Variants in AHDC1 observed in about 807,000 individuals in gnomAD.
AHDC1 encodes the protein transcription factor Gibbin.
Under a neutral mutation model 87.9 loss-of-function variants are expected in AHDC1, and 7 were observed. The ratio of observed to expected loss-of-function variants is 0.08; its 90% CI spans 0.05 to 0.15. AHDC1 has a LOEUF of 0.15. Among genes scored for constraint, AHDC1 ranks in the 10% least tolerant of loss-of-function variants. AHDC1 has a pLI of 1.00. For missense variants in AHDC1, 1,841 were observed against 2,253.2 expected (o/e 0.82, Z 3.70); for synonymous variants, 1,051 against 1,006.8 (o/e 1.04, Z -0.83).
chr1:27,570,013 G>C (rs1356010385), intron 3 of AHDC1, among the ~76,000 whole-genome samples: 2 of 151,988 alleles, frequency 1.3e-5, no homozygotes, highest in East Asian at 3.9e-4. Context: ...GCCAGGCCAG[G>C]ACCCAAAGGG....
chr1:27,583,991 G>A (rs2088978835), intron 3 of AHDC1, among the ~76,000 whole-genome samples: 1 of 152,182 alleles, frequency 6.6e-6, no homozygotes, highest in South Asian at 2.1e-4. Flanking sequence ...GACCCCTTAT[G>A]ATCTGCAGTG....
At chr1:27,545,846 G>T (rs1371084442) in intron 8 of AHDC1, among the ~76,000 whole-genome samples, 2 of 152,170 alleles carry the variant, frequency 1.3e-5, no homozygotes, top group Non-Finnish European at 2.9e-5. Context: ...GGGAAACTGA[G>T]GCCCAGAGAG....
intron 3 of AHDC1, among the ~76,000 whole-genome samples, chr1:27,592,881 G>C: frequency 7.0e-6 from 1 of 143,374 alleles, no homozygotes; most frequent in East Asian, 2.0e-4. Flanking sequence ...GCCCAGCTCA[G>C]AGAGGCTTGG....
At position 27,548,231 on chromosome 1, in the gene AHDC1, G is replaced by A; in HGVS notation, c.3885C>T (p.Phe1295=). The A allele has an allele frequency of 1.2e-6, 2 of 1,613,046 alleles. No individual in the cohort carries two copies. The highest frequency in any genetic ancestry group is 1.7e-6 in the Non-Finnish European group (2 of 1,179,790). The change falls in exon 8 of 9, where the codon TTC becomes TTT. Residue 1295 remains phenylalanine (F), a synonymous_variant. Transcript: ENST00000673934. ...ERGGAAAKAK[F]IPKPQPVNPL... ...GGTTGACTGGCTGTGGCTTGGGGAT[G>A]AACTTGGCTTTGGCCGCTGCGCCAC...
intron 3 of AHDC1, among the ~76,000 whole-genome samples, chr1:27,580,295 T>C (rs1430179346): frequency 6.6e-6 from 1 of 152,170 alleles, no homozygotes; most frequent in East Asian, 1.9e-4. Flanking sequence ...CTGGGGGTCA[T>C]GTGGGACAGA....
intron 3 of AHDC1, among the ~76,000 whole-genome samples, chr1:27,574,948 CAAAG>C: frequency 6.6e-6 from 1 of 152,364 alleles, no homozygotes; most frequent in African/African-American, 2.4e-5. Flanking sequence ...GAAATGCTCT[CAAAG>C]AAAGCTACTG....
rs1052014437 is a variant in AHDC1, at chr1:27,598,557, C to T, written c.-629+4840G>A. 6.6e-6 allele frequency among the ~76,000 whole-genome samples: 1 copy of T among 152,156 alleles called. No homozygotes were observed. Among genetic ancestry groups the T allele is most frequent in the Non-Finnish European group, 1.5e-5 (1 of 68,008 alleles). ...GGCTCCTTCCCTCCTCCTTTCCAGGCAGTCCCTGGGGACCCCTCCTGCTCT... is the reference window on the plus strand; with the variant it reads ...GGCTCCTTCCCTCCTCCTTTCCAGGTAGTCCCTGGGGACCCCTCCTGCTCT... On this transcript the variant is annotated intron_variant, in intron 3 of 8. Coordinates refer to ENST00000673934, the MANE Select transcript of AHDC1 (RefSeq NM_001371928.1). This position sits in a 1 kb window ranked among gnomAD's most constrained non-coding sequence, Gnocchi z 4.2.
chr1:27,551,830 G>C lies in AHDC1; in HGVS notation c.286C>G (p.Arg96Gly). The C allele has an allele frequency of 6.2e-7, 1 of 1,611,796 alleles. No homozygotes were observed. Among genetic ancestry groups the C allele is most frequent in the Non-Finnish European group, 8.5e-7 (1 of 1,179,724 alleles). Reference protein sequence around the residue: ...PRAARPVSQARCPTPVGDGSS... With the variant: ...PRAARPVSQAGCPTPVGDGSS... ...CCGTCTCCGACCGGTGTGGGGCAGC[G>C]GGCCTGTGAGACAGGACGGGCTGCC... The change falls in exon 8 of 9, where the codon CGC becomes GGC. Residue 96 changes from arginine to glycine, a missense_variant. Transcript: ENST00000673934.
rs180800854 is a variant in AHDC1, at chr1:27,567,633, G to A, written c.-628-8750C>T. ...ACTGCACTGAACCCCACATACTTGT[G>A]GCTCCTAACCCTCCTCTTTGCTCAA... On this transcript the variant is annotated intron_variant, in intron 3 of 8. Coordinates refer to ENST00000673934, the MANE Select transcript of AHDC1 (RefSeq NM_001371928.1). Among the ~76,000 whole-genome samples the A allele has an allele frequency of 6.2e-4, 95 of 152,258 alleles. No homozygotes were observed. The Middle Eastern group carries it at 0.01, about 16-fold the overall frequency.
chr1:27,567,212 G>A (rs1348447708), intron 3 of AHDC1, among the ~76,000 whole-genome samples: 2 of 152,106 alleles, frequency 1.3e-5, no homozygotes, highest in Non-Finnish European at 2.9e-5. Flanking sequence ...CTGCTTGCAG[G>A]GAAGCAGCAA....
intron 3 of AHDC1, among the ~76,000 whole-genome samples, chr1:27,591,642 G>A (rs1040356329): frequency 1.5e-4 from 23 of 152,286 alleles, no homozygotes; most frequent in African/African-American, 5.5e-4. Flanking sequence ...CCTGAGAGAG[G>A]ATCTGGAGTC....
At position 27,551,873 on chromosome 1, in the gene AHDC1, G is replaced by A. The variant is rs753198660; in HGVS notation, c.243C>T (p.Asp81=). ...TRRPPVLAKG[D]DPLPPRAARP... ...GGGCTGCCCGTGGGGGCAGCGGGTC[G>A]TCCCCCTTGGCAAGGACTGGTGGGC... The change falls in exon 8 of 9, where the codon GAC becomes GAT. Residue 81 remains aspartate (D), a synonymous_variant. Coordinates refer to ENST00000673934, the MANE Select transcript of AHDC1 (RefSeq NM_001371928.1). 15 of 1,608,078 alleles carry A rather than the reference G, an allele frequency of 9.3e-6. No individual in the cohort carries two copies. Among genetic ancestry groups the A allele is most frequent in the African/African-American group, 1.3e-5 (1 of 74,698 alleles).
intron 3 of AHDC1, among the ~76,000 whole-genome samples, chr1:27,580,062 GTC>G (rs1479500808): frequency 6.6e-6 from 1 of 152,162 alleles, no homozygotes; most frequent in Non-Finnish European, 1.5e-5. Context: ...TGGAAAGGGT[GTC>G]TCTACTTCTT....
rs186397654 is a variant in AHDC1 at position 27,538,674 on chromosome 1, C to A, written c.*44-3758G>T. ...GTACTACAGGCGCACATCACCACAC[C>A]TGGCTAATTATTTTATTTTTTGAAA... On this transcript the variant is annotated intron_variant, in intron 8 of 8. Coordinates refer to ENST00000673934, the MANE Select transcript of AHDC1 (RefSeq NM_001371928.1). Among the ~76,000 whole-genome samples, 6 of 152,116 alleles carry A rather than the reference C, an allele frequency of 3.9e-5. No homozygotes were observed. The East Asian group carries it at 1.2e-3, about 30-fold the overall frequency.
At chr1:27,583,683 T>C (rs566154905) in intron 3 of AHDC1, among the ~76,000 whole-genome samples, 48 of 152,296 alleles carry the variant, frequency 3.2e-4, no homozygotes, top group African/African-American at 1.1e-3. Context: ...AGTGTGGCTT[T>C]TGAGTCTCTC....
At chr1:27,540,617 G>T (rs771855648) in intron 8 of AHDC1, among the ~76,000 whole-genome samples, 1 of 152,074 alleles carries the variant, frequency 6.6e-6, no homozygotes, top group African/African-American at 2.4e-5. Context: ...AGTGATGTCT[G>T]AGTGAAAGAT....
intron 3 of AHDC1, among the ~76,000 whole-genome samples, chr1:27,571,455 A>G (rs2088508101): frequency 6.6e-6 from 1 of 152,054 alleles, no homozygotes; most frequent in Admixed American, 6.5e-5. Context: ...CCAGGGCAGG[A>G]GCAGAACAAG....
intron 3 of AHDC1, among the ~76,000 whole-genome samples, chr1:27,599,905 C>CAA (rs1485388048): frequency 6.6e-6 from 1 of 151,906 alleles, no homozygotes; most frequent in Non-Finnish European, 1.5e-5. Context: ...CTCTCTCTCT[C>CAA]CCACCTGTCC....
At chr1:27,559,542 A>T (rs2148336103) in intron 3 of AHDC1, among the ~76,000 whole-genome samples, 1 of 152,304 alleles carries the variant, frequency 6.6e-6, no homozygotes, top group Non-Finnish European at 1.5e-5. Context: ...TCTGGCTCTC[A>T]GTTTTCTCAT....
Sources: gnomAD v4.1 joint callset for allele counts (sites outside exome capture counted in the v4.1 genomes callset) on GRCh38, gnomAD v4.1.1 for gene constraint, Gnocchi (gnomAD v3.1) non-coding constraint, MANE v1.5 for transcripts, NCBI Gene and HGNC (gene_info 2026-07-23, HGNC 2026-07-21) for gene names.